RALYL: variants seen among roughly 807,000 people sequenced by gnomAD.
RALYL encodes the protein RALY RNA binding protein like, also known as RNA-binding Raly-like protein.
RALYL carries 29 observed loss-of-function variants against 35.1 expected under a neutral mutation model. The observed-to-expected ratio is 0.83, with a 90% confidence interval of 0.61 to 1.13. The LOEUF (loss-of-function observed/expected upper bound fraction) is 1.13, where lower values mean the gene tolerates loss of function less well. Among genes scored for constraint, RALYL ranks in the 50% most tolerant of loss-of-function variants. RALYL has a pLI of 0.00. For synonymous variants in RALYL, 120 were observed against 127.6 expected, an observed-to-expected ratio of 0.94 and a Z score of 0.40; for missense variants, 359 against 360.4, an observed-to-expected ratio of 1.00 and a Z score of 0.03.
intron 2 of RALYL, among the ~76,000 whole-genome samples, chr8:84,562,672 C>A (rs2061540114): frequency 7.2e-6 from 1 of 139,030 alleles, no homozygotes. Flanking sequence ...TACTAACTAA[C>A]AACCTTCTTG....
intron 1 of RALYL, among the ~76,000 whole-genome samples, chr8:84,307,441 G>C (rs2132462908): frequency 6.6e-6 from 1 of 152,186 alleles, no homozygotes; most frequent in East Asian, 1.9e-4. Context: ...GCCCTCTCTT[G>C]TCAATTCCAG....
At chr8:84,718,706 A>G (rs1843341700) in intron 2 of RALYL, among the ~76,000 whole-genome samples, 1 of 152,072 alleles carries the variant, frequency 6.6e-6, no homozygotes, top group Admixed American at 6.6e-5. Context: ...CAGAGGTTGC[A>G]GTGAGCCGAG....
intron 1 of RALYL, among the ~76,000 whole-genome samples, chr8:84,425,947 G>T (rs889110365): frequency 1.6e-4 from 25 of 151,944 alleles, no homozygotes; most frequent in Non-Finnish European, 3.1e-4. Context: ...AGGAAATAAA[G>T]AGTATATATA....
intron 2 of RALYL, among the ~76,000 whole-genome samples, chr8:84,586,406 C>A (rs1476126873): frequency 6.6e-6 from 1 of 152,152 alleles, no homozygotes; most frequent in East Asian, 1.9e-4. Flanking sequence ...GCAGAAATTT[C>A]ATTCCAAGTC....
At chr8:84,685,740 TA>T (rs1836630252) in intron 2 of RALYL, among the ~76,000 whole-genome samples, 1 of 152,180 alleles carries the variant, frequency 6.6e-6, no homozygotes, top group Non-Finnish European at 1.5e-5. Flanking sequence ...GCCATATTTT[TA>T]AAAATAAGAA....
chr8:84,656,066 T>C (rs1157673765), intron 2 of RALYL, among the ~76,000 whole-genome samples: 1 of 152,180 alleles, frequency 6.6e-6, no homozygotes, highest in African/African-American at 2.4e-5. Flanking sequence ...TACAGAAGGA[T>C]ATAGAAGGTA....
intron 2 of RALYL, among the ~76,000 whole-genome samples, chr8:84,718,897 A>G (rs1416620056): frequency 6.6e-6 from 1 of 152,092 alleles, no homozygotes; most frequent in Non-Finnish European, 1.5e-5. Flanking sequence ...CATATTTCAG[A>G]TTAGTATATG....
At chr8:84,506,643 A>G (rs1343918772) in intron 1 of RALYL, among the ~76,000 whole-genome samples, 1 of 151,954 alleles carries the variant, frequency 6.6e-6, no homozygotes, top group African/African-American at 2.4e-5. Flanking sequence ...AAATATCACA[A>G]CAGACTAATT....
intron 1 of RALYL, among the ~76,000 whole-genome samples, chr8:84,450,702 AGGC>A (rs2049372782): frequency 6.6e-6 from 1 of 151,986 alleles, no homozygotes; most frequent in African/African-American, 2.4e-5. Context: ...TGAAAAAGTT[AGGC>A]ACTTTATGGA....
intron 4 of RALYL, among the ~76,000 whole-genome samples, chr8:84,807,861 T>C (rs896319454): frequency 3.3e-5 from 5 of 152,182 alleles, no homozygotes; most frequent in Non-Finnish European, 5.9e-5. Flanking sequence ...TTTGATGGGA[T>C]GTTTGTGTTT....
chr8:84,277,728 G>A (rs1471192573), intron 1 of RALYL, among the ~76,000 whole-genome samples: 4 of 152,220 alleles, frequency 2.6e-5, no homozygotes, highest in African/African-American at 9.6e-5. Context: ...CTCATGCCAA[G>A]TCAGAAATCC....
chr8:84,557,240 T>G (rs1307030377), intron 2 of RALYL, among the ~76,000 whole-genome samples: 4 of 152,200 alleles, frequency 2.6e-5, no homozygotes, highest in Non-Finnish European at 5.9e-5. Context: ...TCATCTTGCT[T>G]AAGCATTGTT....
intron 2 of RALYL, among the ~76,000 whole-genome samples, chr8:84,607,648 C>T (rs924335419): frequency 1.3e-5 from 2 of 152,040 alleles, no homozygotes; most frequent in African/African-American, 4.8e-5. Flanking sequence ...GCATCTGGAT[C>T]GCCTGCCCTG....
chr8:84,464,849 G>A (rs1489354948), intron 1 of RALYL, among the ~76,000 whole-genome samples: 2 of 143,000 alleles, frequency 1.4e-5, no homozygotes, highest in Non-Finnish European at 3.1e-5. Flanking sequence ...GGTGTGAGAT[G>A]GTATCTCATT....
chr8:84,763,630 G>A (rs985020644), intron 2 of RALYL, among the ~76,000 whole-genome samples: 1 of 152,040 alleles, frequency 6.6e-6, no homozygotes, highest in Non-Finnish European at 1.5e-5. Flanking sequence ...GGTTTCTATA[G>A]GCTTTATCTC....
At chr8:84,352,887 A>G (rs1384892943) in intron 1 of RALYL, among the ~76,000 whole-genome samples, 1 of 149,796 alleles carries the variant, frequency 6.7e-6, no homozygotes, top group Non-Finnish European at 1.5e-5. Context: ...TCGTTTTTTT[A>G]CTCTGCAAAA....
rs1042246028 is a variant in RALYL at position 84,836,133 on chromosome 8, T to C, written c.366-13847T>C. Among the ~76,000 whole-genome samples, 4 of 152,260 alleles carry C rather than the reference T, an allele frequency of 2.6e-5. No homozygotes were observed. In the South Asian group the frequency reaches 8.3e-4, roughly 32 times the overall value. On this transcript the variant is annotated intron_variant, in intron 4 of 8. Coordinates refer to ENST00000521268, the MANE Select transcript of RALYL (RefSeq NM_173848.7). ...CCCATTCAAAGTGATAATTCCAAAATCAGAAACCCTGTGTTACTAGCCAAA... is the reference window on the plus strand; with the variant it reads ...CCCATTCAAAGTGATAATTCCAAAACCAGAAACCCTGTGTTACTAGCCAAA...
chr8:84,714,318 G>A (rs938721830), intron 2 of RALYL, among the ~76,000 whole-genome samples: 5 of 151,670 alleles, frequency 3.3e-5, no homozygotes, highest in Non-Finnish European at 7.4e-5. Flanking sequence ...AAAGCAATAC[G>A]TTCAGGAGAT....
intron 1 of RALYL, among the ~76,000 whole-genome samples, chr8:84,371,388 C>T (rs1436534354): frequency 1.3e-5 from 2 of 151,926 alleles, no homozygotes; most frequent in African/African-American, 4.8e-5. Flanking sequence ...ACAAAAAAAG[C>T]CACAACAAAA....
Sources: gnomAD v4.1 joint callset for allele counts (sites outside exome capture counted in the v4.1 genomes callset) on GRCh38, gnomAD v4.1.1 for gene constraint, MANE v1.5 for transcripts, NCBI Gene and HGNC (gene_info 2026-07-23, HGNC 2026-07-21) for gene names.